The following ADGRD2 variants were observed in gnomAD, a reference collection of about 807,000 sequenced individuals.
The protein encoded by ADGRD2 is adhesion G protein-coupled receptor D2, also known as G protein-coupled receptor PGR24.
A neutral mutation model predicts 44.4 loss-of-function variants in ADGRD2; 71 were observed. The ratio of observed to expected loss-of-function variants is 1.60; its 90% CI spans 1.32 to 1.95. ADGRD2 has a LOEUF of 1.95. Among genes scored for constraint, ADGRD2 ranks in the 30% most tolerant of loss-of-function variants. The probability of loss-of-function intolerance (pLI) is 0.00; values close to 1 mark genes in which losing one functional copy is unlikely to be tolerated. For missense variants in ADGRD2, 1,039 were observed against 512.4 expected (o/e 2.03, Z -9.92); for synonymous variants, 481 against 224.8 (o/e 2.14, Z -10.19).
chr9:124,459,841 G>C (rs747592742), intron 10 of ADGRD2, among the ~76,000 whole-genome samples: 4 of 152,052 alleles, frequency 2.6e-5, no homozygotes, highest in Non-Finnish European at 5.9e-5. Flanking sequence ...AGCCTCAGCA[G>C]GTTTTGGCAT....
intron 20 of ADGRD2, 43 bp downstream of exon 23, chr9:124,476,458 G>A (rs777262468): frequency 2.9e-6 from 2 of 685,862 alleles, no homozygotes; most frequent in Non-Finnish European, 5.3e-6. Flanking sequence ...TCTGCCAGGG[G>A]GCTGGCAAAG....
chr9:124,473,354 C>T (rs986477875), intron 17 of ADGRD2, among the ~76,000 whole-genome samples: 8 of 152,216 alleles, frequency 5.3e-5, no homozygotes, highest in African/African-American at 1.9e-4. Context: ...AGCCGTAGCT[C>T]ACACTTGCCC....
chr9:124,458,853 T>G (rs1386410457), intron 10 of ADGRD2, 132 bp downstream of exon 13: 6 of 599,360 alleles, frequency 1.0e-5, no homozygotes, highest in Non-Finnish European at 1.8e-5. Flanking sequence ...GCAAGCCACC[T>G]CCATTGTCCT....
chr9:124,453,756 C>G, intron 3 of ADGRD2, 80 bp downstream of exon 6: 2 of 631,806 alleles, frequency 3.2e-6, no homozygotes, highest in Non-Finnish European at 5.7e-6. Flanking sequence ...CCACCCCTTG[C>G]CAACCAAGCC....
Position 124,454,493 on chromosome 9 carries a change from G to A in ADGRD2, c.1034G>A (p.Arg345His), listed in dbSNP as rs1433729617. Reference sequence around the variant, plus strand: ...ATCCACTCCTTTGCAGAGCCCTATCGTCGGCTGCAGGATGCCCAGTCGTGG... The same window carrying A: ...ATCCACTCCTTTGCAGAGCCCTATCATCGGCTGCAGGATGCCCAGTCGTGG... The change falls in exon 5 of 22, where the codon CGT (arginine) becomes CAT (histidine). Residue 345 changes from arginine (R) to histidine (H), a missense_variant. Arg to His is a conservative substitution (Grantham distance 29). Coordinates refer to ENST00000334810, the Ensembl canonical transcript of ADGRD2. The surrounding 1 kb of genome is among the most constrained non-coding windows in gnomAD (Gnocchi z 4.5). The A allele has an allele frequency of 2.4e-5, 17 of 715,484 alleles. No homozygotes were observed. The highest frequency in any genetic ancestry group is 1.0e-4 in the South Asian group (7 of 67,538). 44.3% of individuals were successfully genotyped at this position (715,484 alleles called of 1,614,324 possible).
chr9:124,456,609 AG>A lies in ADGRD2; in HGVS notation c.1394-12del. 1 of 718,128 alleles carries A rather than the reference AG, an allele frequency of 1.4e-6. No homozygotes were observed. The highest frequency in any genetic ancestry group is 2.6e-6 in the Non-Finnish European group (1 of 385,028). 44.5% of individuals were successfully genotyped at this position (718,128 alleles called of 1,614,324 possible). ...AGAGTGTGACAGAGAGCTGAGATGC[AG>A]CGTCCTCCCAGGTGATTGGTGGGCC... On this transcript the variant is annotated splice_polypyrimidine_tract_variant and intron_variant, in intron 6 of 21. Transcript: ENST00000334810.
chr9:124,474,276 CAAAAA>C (rs397947760), intron 17 of ADGRD2, among the ~76,000 whole-genome samples: 1 of 80,646 alleles, frequency 1.2e-5, no homozygotes, highest in Non-Finnish European at 2.4e-5. Context: ...AACTCTGTCT[CAAAAA>C]AAAAAAAAAA....
At position 124,476,337 on chromosome 9, in the gene ADGRD2, A is replaced by C; in HGVS notation, c.2846-20A>C. ...GGCTTCCTGCCTTCGTCTCTCAAAA[A>C]TTTGCCTTTTCCTCCCTAGGGACCT... On this transcript the variant is annotated intron_variant, in intron 19 of 21. Coordinates refer to ENST00000334810, the Ensembl canonical transcript of ADGRD2. The C allele has an allele frequency of 1.5e-6, 1 of 685,548 alleles. No individual in the cohort carries two copies. Among genetic ancestry groups the C allele is most frequent in the Non-Finnish European group, 2.7e-6 (1 of 373,034 alleles). 42.5% of individuals were successfully genotyped at this position (685,548 alleles called of 1,614,324 possible). A position where few individuals can be genotyped will look rare whatever the true frequency, so the allele number is the denominator to read the frequency against.
chr9:124,454,083 G>T lies in ADGRD2; in HGVS notation c.1010G>T (p.Cys337Phe). Residue 337 changes from cysteine to phenylalanine, a missense_variant, in exon 4 of 22, where the codon TGC becomes TTC. Coordinates refer to ENST00000334810, the Ensembl canonical transcript of ADGRD2. This position sits in a 1 kb window ranked among gnomAD's most constrained non-coding sequence, Gnocchi z 4.5. Reference sequence around the variant, plus strand: ...TGCCTGGAGCCGCAGCCCTTCCTCTGCTGCTACCGGACAGGTGCGCCCTGG... The same window carrying T: ...TGCCTGGAGCCGCAGCCCTTCCTCTTCTGCTACCGGACAGGTGCGCCCTGG... 1.4e-6 allele frequency: 1 copy of T among 708,966 alleles called. No homozygotes were observed. The allele number at this position is 708,966 out of a possible 1,614,324, so 43.9% of individuals were successfully genotyped here.
At position 124,453,809 on chromosome 9, in the gene ADGRD2, C is replaced by A. The variant is rs1159915367; in HGVS notation, c.923+133C>A. The A allele has an allele frequency of 4.9e-6, 3 of 611,252 alleles. No individual in the cohort carries two copies. In the African/African-American group the frequency reaches 5.6e-5, roughly 11 times the overall value. The allele number at this position is 611,252 out of a possible 1,614,324, so 37.9% of individuals were successfully genotyped here. On this transcript the variant is annotated intron_variant, in intron 3 of 21. Transcript: ENST00000334810. ...CGCCCTCTCCAGGCCGCAGTGCCTGCAAGCTCCAGCATAAACCTGGTCCCA... is the reference window on the plus strand; with the variant it reads ...CGCCCTCTCCAGGCCGCAGTGCCTGAAAGCTCCAGCATAAACCTGGTCCCA...
chr9:124,466,491 G>A (rs1831827922), intron 11 of ADGRD2, 78 bp downstream of exon 14: 1 of 596,038 alleles, frequency 1.7e-6, no homozygotes, highest in Non-Finnish European at 3.1e-6. Flanking sequence ...TAGGTAGCCA[G>A]AAGAAGCATC....
In ADGRD2 at chr9:124,458,111, AGGCCTCTCT is replaced by A. The variant is rs1410418714; in HGVS notation, c.1642_1650del (p.Leu549_Gly551del). ...GCCTTGGTGCCCCTTCCTCTCAGCC[AGGCCTCTCT>A]GGAGTCACCGTGATCCACAGCTGGT... On this transcript the variant is annotated splice_acceptor_variant and coding_sequence_variant, in exon 9 of 22. Coordinates refer to ENST00000334810, the Ensembl canonical transcript of ADGRD2. LOFTEE classifies it high-confidence loss of function. 4.2e-6 allele frequency: 3 copies of A among 718,396 alleles called. No individual in the cohort carries two copies. The highest frequency in any genetic ancestry group is 7.8e-6 in the Non-Finnish European group (3 of 384,986). The allele number at this position is 718,396 out of a possible 1,614,324, so 44.5% of individuals were successfully genotyped here. A position where few individuals can be genotyped will look rare whatever the true frequency, so the allele number is the denominator to read the frequency against.
chr9:124,457,544 G>T (rs529747701), exon 8 of ADGRD2: 21 of 688,538 alleles, frequency 3.0e-5, no homozygotes, highest in African/African-American at 5.3e-5. Context: ...CCTGGTGGGC[G>T]TCCAGAGGGG....
chr9:124,472,110 G>C (rs1831955082), intron 17 of ADGRD2, among the ~76,000 whole-genome samples: 1 of 152,156 alleles, frequency 6.6e-6, no homozygotes, highest in Non-Finnish European at 1.5e-5. Context: ...TGTGCCCCTC[G>C]GGTGGGCAGA....
Position 124,474,379 on chromosome 9 carries a change from GAA to G in ADGRD2, c.2759-1065_2759-1064del, listed in dbSNP as rs571855118. ...GCTGGTGTTCTTGGGTTCGCATTTG[GAA>G]AGATGCCTTTGGGTGGTAAGGAGTG... On this transcript the variant is annotated intron_variant, in intron 17 of 21. Coordinates refer to ENST00000334810, the Ensembl canonical transcript of ADGRD2. 4.6e-5 allele frequency among the ~76,000 whole-genome samples: 7 copies of G among 152,252 alleles called. No homozygotes were observed. In the East Asian group the frequency reaches 1.4e-3, roughly 29 times the overall value.
intron 17 of ADGRD2, among the ~76,000 whole-genome samples, chr9:124,473,136 T>A (rs57250434): frequency 0.016 from 2,398 of 152,260 alleles, 59 homozygotes; most frequent in African/African-American, 0.053. Flanking sequence ...TCCACCTCCA[T>A]CCCTGTCCCT....
At chr9:124,467,306 T>A (rs10760364) in intron 11 of ADGRD2, 82,968 of 150,612 alleles carry the variant, frequency 0.55, 25,055 homozygotes, top group African/African-American at 0.81. Context: ...CGCCACTTGC[T>A]CTCCAGCCTG....
chr9:124,463,574 G>A (rs1168120582), intron 10 of ADGRD2, among the ~76,000 whole-genome samples: 3 of 152,168 alleles, frequency 2.0e-5, no homozygotes, highest in Admixed American at 1.3e-4. Context: ...TGGACCTCGT[G>A]TGTTCTTTGT....
At chr9:124,452,387 T>C (rs1588598155) in intron 1 of ADGRD2, 123 bp from the exon 5 acceptor site, 10 of 682,786 alleles carry the variant, frequency 1.5e-5, no homozygotes, top group Middle Eastern at 3.3e-4. Context: ...GCCATAGACA[T>C]GGGCGGGTTC....
Sources: gnomAD v4.1 joint callset for allele counts (sites outside exome capture counted in the v4.1 genomes callset) on GRCh38, gnomAD v4.1.1 for gene constraint, Gnocchi (gnomAD v3.1) non-coding constraint, MANE v1.5 for transcripts, NCBI Gene and HGNC (gene_info 2026-07-23, HGNC 2026-07-21) for gene names.